The following KIF16B variants were observed in gnomAD, a reference collection of about 807,000 sequenced individuals.
KIF16B encodes kinesin family member 16B.
KIF16B carries 98 observed loss-of-function variants against 156.3 expected under a neutral mutation model. The observed-to-expected ratio is 0.63, with a 90% CI of 0.53 to 0.74. KIF16B has a LOEUF of 0.74. Ranked by LOEUF, KIF16B falls within the 30% of genes least tolerant of loss-of-function variation. The pLI is 0.00. For synonymous variants in KIF16B, 564 were observed against 583.7 expected (o/e 0.97, Z 0.49); for missense variants, 1,421 against 1,606.5 (o/e 0.88, Z 1.97).
At position 16,379,833 on chromosome 20, in the gene KIF16B, C is replaced by T; in HGVS notation, c.2169G>A (p.Lys723=). 6.2e-7 allele frequency: 1 copy of T among 1,614,222 alleles called. No individual in the cohort carries two copies. Among genetic ancestry groups the T allele is most frequent in the Non-Finnish European group, 8.5e-7 (1 of 1,180,042 alleles). Residue 723 remains lysine (K), a synonymous_variant, in exon 19 of 26, where the codon AAG becomes AAA. Coordinates refer to ENST00000354981, the MANE Select transcript of KIF16B (RefSeq NM_024704.5). The part of the protein sequence containing the change: ...KELNNNEKAE[K]FQIFQELDQL... ...GGTCCAGTTCTTGAAATATCTGAAA[C>T]TTCTCAGCCTTCTCGTTGTTGTTGA...
rs2063580258 is a variant in KIF16B at position 16,308,998 on chromosome 20, T to C, written c.3795+3337A>G. Among the ~76,000 whole-genome samples the C allele has an allele frequency of 4.6e-5, 7 of 152,184 alleles. No individual in the cohort carries two copies. In the South Asian group the frequency reaches 1.4e-3, roughly 32 times the overall value. ...GCATGTCACATATGAGGAGTGTTGT[T>C]AGCAGAAGCCTCTGACTGACTGAGG... On this transcript the variant is annotated intron_variant, in intron 25 of 25. Transcript: ENST00000354981.
intron 1 of KIF16B, among the ~76,000 whole-genome samples, chr20:16,571,601 G>A (rs1394506061): frequency 6.6e-6 from 1 of 151,772 alleles, no homozygotes; most frequent in Non-Finnish European, 1.5e-5. Flanking sequence ...CCTGAGGAAT[G>A]CTATGTGTTT....
chr20:16,450,583 G>A (rs992157819), intron 12 of KIF16B, among the ~76,000 whole-genome samples: 6 of 152,118 alleles, frequency 3.9e-5, no homozygotes, highest in African/African-American at 1.4e-4. Flanking sequence ...CACGTCCCAC[G>A]TGCCTTGTTA....
chr20:16,325,887 A>G (rs1267669905), intron 24 of KIF16B, among the ~76,000 whole-genome samples: 2 of 152,020 alleles, frequency 1.3e-5, no homozygotes, highest in South Asian at 4.1e-4. Flanking sequence ...CACTTTACCC[A>G]ACTTCAAACT....
Position 16,272,655 on chromosome 20 carries a change from TG to T in KIF16B, c.*597del, listed in dbSNP as rs1410648212. ...AAGCATGGAAGACTACAGTCATGAT[TG>T]GATCAAAAAATCCCTTTTGCAGAAT... On this transcript the variant is annotated 3_prime_UTR_variant, in exon 26 of 26. Coordinates refer to ENST00000354981, the MANE Select transcript of KIF16B (RefSeq NM_024704.5). 1 of 152,718 alleles carries T rather than the reference TG, an allele frequency of 6.5e-6. No individual in the cohort carries two copies. The highest frequency in any genetic ancestry group is 6.5e-5 in the Admixed American group (1 of 15,288). The allele number at this position is 152,718 out of a possible 1,614,324, so 9.5% of individuals were successfully genotyped here.
rs978162767 is a variant in KIF16B at position 16,557,911 on chromosome 20, A to T, written c.47+15318T>A. On this transcript the variant is annotated intron_variant, in intron 1 of 25. Transcript: ENST00000354981. ...GCACAAGGAGCATAATCCAAGAACA[A>T]GACAGAAATGGTCCCAGTGCTCACA... 2.6e-5 allele frequency among the ~76,000 whole-genome samples: 4 copies of T among 152,234 alleles called. No individual in the cohort carries two copies. In the East Asian group the frequency reaches 7.7e-4, roughly 29 times the overall value.
At chr20:16,544,174 C>T (rs2070311055) in intron 1 of KIF16B, among the ~76,000 whole-genome samples, 1 of 152,144 alleles carries the variant, frequency 6.6e-6, no homozygotes, top group African/African-American at 2.4e-5. Flanking sequence ...GGCACCCAGG[C>T]TCCCCTGTCC....
Position 16,383,678 on chromosome 20 carries a change from A to G in KIF16B, c.1785-1931T>C, listed in dbSNP as rs2065159825. ...TTCCAAGTTGGTATCTTCATACTTC[A>G]GTAGAGTTTAGTCTTTCTAGAGATA... On this transcript the variant is annotated intron_variant, in intron 17 of 25. Transcript: ENST00000354981. 4.6e-5 allele frequency among the ~76,000 whole-genome samples: 7 copies of G among 152,236 alleles called. No individual in the cohort carries two copies. In the South Asian group the frequency reaches 1.4e-3, roughly 32 times the overall value.
intron 17 of KIF16B, among the ~76,000 whole-genome samples, chr20:16,398,801 G>A (rs2065577711): frequency 6.6e-6 from 1 of 152,102 alleles, no homozygotes; most frequent in South Asian, 2.1e-4. Flanking sequence ...GTTATCAACC[G>A]ACAGGAAAGC....
In KIF16B at chr20:16,397,878, G is replaced by A. The variant is rs529114375; in HGVS notation, c.1784+6935C>T. ...TGGGCAGACCTGTGAGAGGGCAGACGCATCCTTTGTGCTGAGAGCACATGT... is the reference window on the plus strand; with the variant it reads ...TGGGCAGACCTGTGAGAGGGCAGACACATCCTTTGTGCTGAGAGCACATGT... On this transcript the variant is annotated intron_variant, in intron 17 of 25. Coordinates refer to ENST00000354981, the MANE Select transcript of KIF16B (RefSeq NM_024704.5). Among the ~76,000 whole-genome samples the A allele has an allele frequency of 6.9e-4, 105 of 152,230 alleles. 2 individuals carry two copies. Among genetic ancestry groups the A allele is most frequent in the Non-Finnish European group, 2.9e-4 (20 of 68,046 alleles).
chr20:16,295,216 C>T (rs1405504863), intron 25 of KIF16B, among the ~76,000 whole-genome samples: 3 of 152,250 alleles, frequency 2.0e-5, no homozygotes, highest in Middle Eastern at 3.4e-3. Flanking sequence ...GCATATCCCC[C>T]GGGCCAGACC....
intron 1 of KIF16B, among the ~76,000 whole-genome samples, chr20:16,569,313 C>A (rs1018338466): frequency 1.3e-5 from 2 of 152,176 alleles, no homozygotes; most frequent in African/African-American, 4.8e-5. Context: ...AATGTCTCTA[C>A]CTGCCAAGAT....
chr20:16,388,080 A>G (rs2065270326), intron 17 of KIF16B, among the ~76,000 whole-genome samples: 1 of 152,230 alleles, frequency 6.6e-6, no homozygotes, highest in South Asian at 2.1e-4. Context: ...TACTGAAAGC[A>G]AAATGCCTTT....
intron 23 of KIF16B, among the ~76,000 whole-genome samples, chr20:16,353,051 T>C (rs1015910350): frequency 5.3e-5 from 8 of 152,158 alleles, no homozygotes; most frequent in African/African-American, 1.7e-4. Flanking sequence ...GCAGCAAAGA[T>C]TTTTCTAAAT....
At chr20:16,299,614 A>G (rs1031719242) in intron 25 of KIF16B, among the ~76,000 whole-genome samples, 3 of 152,192 alleles carry the variant, frequency 2.0e-5, no homozygotes, top group Non-Finnish European at 4.4e-5. Context: ...ACAGAAGGTC[A>G]CTCTGTACCA....
intron 25 of KIF16B, among the ~76,000 whole-genome samples, chr20:16,293,709 G>A (rs1205499209): frequency 6.6e-6 from 1 of 152,160 alleles, no homozygotes; most frequent in Admixed American, 6.5e-5. Flanking sequence ...AGGGTTCCAG[G>A]GGAGGTTTCT....
chr20:16,488,487 T>C (rs1023790164), intron 12 of KIF16B, among the ~76,000 whole-genome samples: 2 of 152,154 alleles, frequency 1.3e-5, no homozygotes, highest in South Asian at 4.1e-4. Flanking sequence ...GCATAAAGAC[T>C]GGGGTGGGGA....
chr20:16,309,232 C>T (rs1309580898), intron 25 of KIF16B, among the ~76,000 whole-genome samples: 1 of 152,200 alleles, frequency 6.6e-6, no homozygotes, highest in Non-Finnish European at 1.5e-5. Context: ...CTAAAGTTGG[C>T]TAGGTATCAG....
At chr20:16,389,483 C>T (rs1042380781) in intron 17 of KIF16B, among the ~76,000 whole-genome samples, 3 of 152,164 alleles carry the variant, frequency 2.0e-5, no homozygotes, top group Admixed American at 2.0e-4. Context: ...TTTCACCTTT[C>T]CCTGATGCTT....
Sources: gnomAD v4.1 joint callset for allele counts (sites outside exome capture counted in the v4.1 genomes callset) on GRCh38, gnomAD v4.1.1 for gene constraint, MANE v1.5 for transcripts, NCBI Gene and HGNC (gene_info 2026-07-23, HGNC 2026-07-21) for gene names.